GMDS: variants seen among roughly 807,000 people sequenced by gnomAD.
The protein encoded by GMDS is GDP-mannose 4,6-dehydratase, also known as GDP-mannose 4,6 dehydratase.
In GMDS, 20 loss-of-function variants were observed where a neutral mutation model predicts 49.9. That is an observed-to-expected ratio of 0.40 (90% CI 0.28 to 0.58). The LOEUF (loss-of-function observed/expected upper bound fraction) is 0.58, where lower values mean the gene tolerates loss of function less well. Among genes scored for constraint, GMDS ranks in the 20% least tolerant of loss-of-function variants. The probability of loss-of-function intolerance (pLI) is 0.42; values close to 1 mark genes in which losing one functional copy is unlikely to be tolerated. For synonymous variants in GMDS, 177 were observed against 178.6 expected (o/e 0.99, Z 0.07); for missense variants, 362 against 481.4 (o/e 0.75, Z 2.32).
chr6:2,149,894 T>G (rs1776762806), intron 1 of GMDS, among the ~76,000 whole-genome samples: 1 of 152,108 alleles, frequency 6.6e-6, no homozygotes, highest in Admixed American at 6.5e-5. Flanking sequence ...TTGGGAGCTT[T>G]CTCTTTCTTT....
At chr6:1,938,330 C>T (rs1581390712) in intron 6 of GMDS, among the ~76,000 whole-genome samples, 1 of 152,280 alleles carries the variant, frequency 6.6e-6, no homozygotes, top group South Asian at 2.1e-4. Context: ...ATCATTCTTT[C>T]TTGCATCTTT....
In GMDS at chr6:2,245,571, G is replaced by C. The variant is rs1038842361; in HGVS notation, c.-149C>G. The C allele has an allele frequency of 4.7e-6, 2 of 423,752 alleles. No homozygotes were observed. The highest frequency in any genetic ancestry group is 2.1e-5 in the African/African-American group (1 of 47,626). The allele number at this position is 423,752 out of a possible 1,614,324, so 26.2% of individuals were successfully genotyped here. A position where few individuals can be genotyped will look rare whatever the true frequency, so the allele number is the denominator to read the frequency against. On this transcript the variant is annotated 5_prime_UTR_variant, in exon 1 of 11. Transcript: ENST00000380815. ...GCGCACCGCGCGACCGGCCGCCACA[G>C]TCTGACAGGGGCGCACGGGAGGCCG...
At chr6:1,824,417 G>A (rs1043367920) in intron 7 of GMDS, among the ~76,000 whole-genome samples, 2 of 151,856 alleles carry the variant, frequency 1.3e-5, no homozygotes, top group East Asian at 1.9e-4. Flanking sequence ...GCCGCGCCCC[G>A]CCCCCCATAC....
intron 4 of GMDS, among the ~76,000 whole-genome samples, chr6:2,008,266 G>A (rs1767323129): frequency 6.6e-6 from 1 of 152,102 alleles, no homozygotes; most frequent in African/African-American, 2.4e-5. Context: ...TTTTAACATC[G>A]TTTTAAATGT....
chr6:2,231,605 A>G (rs918620645), intron 1 of GMDS, among the ~76,000 whole-genome samples: 1 of 152,208 alleles, frequency 6.6e-6, no homozygotes, highest in Admixed American at 6.5e-5. Flanking sequence ...TGCCAAAGGA[A>G]GTGGTTAAAA....
At chr6:1,791,744 G>T (rs226451) in intron 7 of GMDS, among the ~76,000 whole-genome samples, 60,375 of 151,938 alleles carry the variant, frequency 0.4, 12,092 homozygotes, top group Middle Eastern at 0.43. Context: ...GTGTTTTTAG[G>T]AAAGATTAAA....
chr6:2,145,679 C>T (rs777492923), intron 1 of GMDS, among the ~76,000 whole-genome samples: 11 of 152,154 alleles, frequency 7.2e-5, no homozygotes, highest in African/African-American at 2.4e-4. Flanking sequence ...AGCAATGCCA[C>T]ATTTAAAAAT....
Position 2,232,062 on chromosome 6 carries a change from AG to A in GMDS, c.102+13258del, listed in dbSNP as rs1158329942. On this transcript the variant is annotated intron_variant, in intron 1 of 10. Coordinates refer to ENST00000380815, the MANE Select transcript of GMDS (RefSeq NM_001500.4). ...TAGCAAAATGAAAAAAATGGAAATG[AG>A]AAAAAGTAGTTCACATAGTCAAAAG... 1.1e-4 allele frequency among the ~76,000 whole-genome samples: 16 copies of A among 152,318 alleles called. 1 individual carries two copies. The East Asian group carries it at 3.1e-3, about 29-fold the overall frequency.
chr6:1,904,354 C>T (rs904596403), intron 7 of GMDS, among the ~76,000 whole-genome samples: 2 of 152,096 alleles, frequency 1.3e-5, no homozygotes, highest in East Asian at 3.9e-4. Context: ...CATTTGCATT[C>T]GGGGGCTGCT....
At chr6:2,181,585 A>T (rs1322112262) in intron 1 of GMDS, among the ~76,000 whole-genome samples, 1 of 152,092 alleles carries the variant, frequency 6.6e-6, no homozygotes, top group East Asian at 1.9e-4. Flanking sequence ...TTACACTTTG[A>T]TAATTCTCAC....
intron 6 of GMDS, among the ~76,000 whole-genome samples, chr6:1,939,484 C>G (rs2127257966): frequency 6.6e-6 from 1 of 151,568 alleles, no homozygotes; most frequent in South Asian, 2.1e-4. Flanking sequence ...CCTAAAGACC[C>G]AAGGATATAC....
At chr6:1,943,742 G>A (rs1762926209) in intron 6 of GMDS, among the ~76,000 whole-genome samples, 1 of 152,128 alleles carries the variant, frequency 6.6e-6, no homozygotes, top group Non-Finnish European at 1.5e-5. Context: ...GTCACACTAG[G>A]CAGCTTGTCT....
At chr6:2,212,914 G>GA (rs1281467651) in intron 1 of GMDS, among the ~76,000 whole-genome samples, 1 of 152,018 alleles carries the variant, frequency 6.6e-6, no homozygotes, top group East Asian at 1.9e-4. Flanking sequence ...TCTTTAAAAA[G>GA]AAAAATATCA....
At chr6:1,695,126 T>C (rs1486817643) in intron 9 of GMDS, among the ~76,000 whole-genome samples, 2 of 152,204 alleles carry the variant, frequency 1.3e-5, no homozygotes, top group African/African-American at 2.4e-5. Flanking sequence ...GGTCATTTAC[T>C]TGGATTGACA....
chr6:1,960,887 C>T lies in GMDS; in HGVS notation c.425G>A (p.Cys142Tyr), dbSNP rs1272991997. The T allele has an allele frequency of 1.2e-6, 2 of 1,611,586 alleles. No homozygotes were observed. Among genetic ancestry groups the T allele is most frequent in the Non-Finnish European group, 1.7e-6 (2 of 1,177,942 alleles). The change falls in exon 5 of 11, where the codon TGT becomes TAT. Residue 142 changes from cysteine to tyrosine, a missense_variant. By Grantham distance (194) the Cys-to-Tyr change is radical (BLOSUM62 -2). Transcript: ENST00000380815. The stretch of plus-strand genomic sequence containing the variant: ...GAACTTCACAGAGTTGATAAGGCCA[C>T]AAGTCTTAACTGCATCTAGAAGTCG... The part of the protein sequence containing the change: ...TLRLLDAVKT[C>Y]GLINSVKFYQ...
intron 4 of GMDS, among the ~76,000 whole-genome samples, chr6:2,105,384 A>C (rs1774184353): frequency 6.6e-6 from 1 of 152,144 alleles, no homozygotes; most frequent in Non-Finnish European, 1.5e-5. Context: ...GAAGATGGAG[A>C]AATGTATCAG....
At chr6:1,861,068 C>T (rs1001173370) in intron 7 of GMDS, among the ~76,000 whole-genome samples, 5 of 152,246 alleles carry the variant, frequency 3.3e-5, no homozygotes, top group Non-Finnish European at 5.9e-5. Flanking sequence ...TCTGTCTTTA[C>T]TCTGCCTTCC....
intron 7 of GMDS, among the ~76,000 whole-genome samples, chr6:1,904,444 C>A (rs1457020300): frequency 2.0e-5 from 3 of 152,168 alleles, no homozygotes; most frequent in Non-Finnish European, 4.4e-5. Flanking sequence ...ACTGATAGTC[C>A]ATTAAATGAG....
intron 7 of GMDS, among the ~76,000 whole-genome samples, chr6:1,794,524 A>G (rs1460635959): frequency 1.3e-5 from 2 of 152,238 alleles, no homozygotes; most frequent in Admixed American, 1.3e-4. Flanking sequence ...CAAATCTGGT[A>G]CTGAGAAGCT....
Sources: allele counts gnomAD v4.1 joint callset (sites outside exome capture counted in the v4.1 genomes callset), GRCh38; gene constraint gnomAD v4.1.1; transcripts MANE v1.5; gene names NCBI Gene and HGNC (gene_info 2026-07-23, HGNC 2026-07-21).